Variants in PTK2B observed in about 807,000 individuals in gnomAD.
The protein encoded by PTK2B is protein-tyrosine kinase 2-beta.
In PTK2B, 71 loss-of-function variants were observed where a neutral mutation model predicts 142.9. That is an observed-to-expected ratio of 0.50 (90% CI 0.41 to 0.61). The LOEUF (loss-of-function observed/expected upper bound fraction) is 0.61. Among genes scored for constraint, PTK2B ranks in the 20% least tolerant of loss-of-function variants. PTK2B has a pLI of 0.00. For missense variants in PTK2B, 1,105 were observed against 1,320.4 expected, an observed-to-expected ratio of 0.84 and a Z score of 2.53; for synonymous variants, 519 against 503.4, an observed-to-expected ratio of 1.03 and a Z score of -0.42.
At chr8:27,368,108 G>A (rs899179899) in intron 1 of PTK2B, among the ~76,000 whole-genome samples, 4 of 152,260 alleles carry the variant, frequency 2.6e-5, no homozygotes, top group East Asian at 1.9e-4. Context: ...GTTAGCAGAC[G>A]CCAGATGGCC....
In PTK2B at chr8:27,404,546, G is replaced by C. The variant is rs571988088; in HGVS notation, c.204+6758G>C. Reference sequence around the variant, plus strand: ...CCTCCCACCCGCAGCAGGGACTCCAGGTTGCAGGGGTGGCCTTGGGCATTG... The same window carrying C: ...CCTCCCACCCGCAGCAGGGACTCCACGTTGCAGGGGTGGCCTTGGGCATTG... On this transcript the variant is annotated intron_variant, in intron 2 of 30. Coordinates refer to ENST00000346049, the MANE Select transcript of PTK2B (RefSeq NM_173176.3). Among the ~76,000 whole-genome samples the C allele has an allele frequency of 3.9e-5, 6 of 152,284 alleles. No homozygotes were observed. The South Asian group carries it at 1.2e-3, about 32-fold the overall frequency.
intron 1 of PTK2B, among the ~76,000 whole-genome samples, chr8:27,356,847 TC>T (rs1805420850): frequency 6.6e-6 from 1 of 152,192 alleles, no homozygotes; most frequent in African/African-American, 2.4e-5. Context: ...TGACATCACA[TC>T]CTTTAAGAGA....
intron 1 of PTK2B, chr8:27,396,077 C>G (rs1168203674): frequency 6.6e-6 from 1 of 152,196 alleles, no homozygotes; most frequent in Non-Finnish European, 1.5e-5. Flanking sequence ...CATTTTGCTG[C>G]CCTTGTGGAC....
At chr8:27,397,365 C>T (rs1454748129) in intron 1 of PTK2B, 183 bp from the exon 2 acceptor site, 5 of 574,792 alleles carry the variant, frequency 8.7e-6, no homozygotes, top group African/African-American at 1.9e-5. Flanking sequence ...CTGCAACTTG[C>T]CCCTTTCTGC....
At chr8:27,451,215 T>C in intron 26 of PTK2B, 137 bp downstream of exon 26, 1 of 1,120,404 alleles carries the variant, frequency 8.9e-7, no homozygotes, top group South Asian at 1.4e-5. Context: ...GTTGGGAGGG[T>C]GTCTTTTCCT....
intron 1 of PTK2B, among the ~76,000 whole-genome samples, chr8:27,336,578 G>A (rs1185554308): frequency 6.6e-6 from 1 of 152,204 alleles, no homozygotes; most frequent in Non-Finnish European, 1.5e-5. Flanking sequence ...AACTTTGTAG[G>A]ATAATGTTGA....
chr8:27,333,888 G>A (rs1803904134), intron 1 of PTK2B, among the ~76,000 whole-genome samples: 1 of 150,966 alleles, frequency 6.6e-6, no homozygotes, highest in Admixed American at 6.6e-5. Context: ...CTAAGAGTCT[G>A]TAAGATATTC....
At position 27,434,605 on chromosome 8, in the gene PTK2B, C is replaced by T. The variant is rs772994588; in HGVS notation, c.1192+46C>T. ...TCCACCTGCTCCAGTTGCCTCCCGT[C>T]TGCTTGCTCCCCACTGCTTGCTCTC... On this transcript the variant is annotated intron_variant, in intron 13 of 30. Coordinates refer to ENST00000346049, the MANE Select transcript of PTK2B (RefSeq NM_173176.3). 17 of 1,570,500 alleles carry T rather than the reference C, an allele frequency of 1.1e-5. No individual in the cohort carries two copies. The African/African-American group carries it at 2.3e-4, about 21-fold the overall frequency.
chr8:27,361,438 G>C (rs930077478), intron 1 of PTK2B, among the ~76,000 whole-genome samples: 1 of 152,074 alleles, frequency 6.6e-6, no homozygotes, highest in Non-Finnish European at 1.5e-5. Context: ...TGCTCCAGCT[G>C]TTCTTGAACT....
intron 1 of PTK2B, among the ~76,000 whole-genome samples, chr8:27,345,979 C>T (rs1263065766): frequency 6.6e-6 from 1 of 152,100 alleles, no homozygotes; most frequent in Non-Finnish European, 1.5e-5. Flanking sequence ...CAAAGGTGTC[C>T]AAACTCCTTG....
At chr8:27,420,305 C>T (rs889415283) in intron 3 of PTK2B, among the ~76,000 whole-genome samples, 15 of 151,956 alleles carry the variant, frequency 9.9e-5, no homozygotes, top group African/African-American at 3.1e-4. Flanking sequence ...TAACCCTAAA[C>T]GGGATGCTGA....
intron 1 of PTK2B, among the ~76,000 whole-genome samples, chr8:27,369,407 C>T (rs535912277): frequency 8.5e-5 from 13 of 152,314 alleles, no homozygotes; most frequent in Admixed American, 2.0e-4. Flanking sequence ...TGGTGACTCA[C>T]GCCTATAATT....
At chr8:27,431,511 G>C (rs1386107155) in intron 9 of PTK2B, 39 bp downstream of exon 9, 1 of 1,611,834 alleles carries the variant, frequency 6.2e-7, no homozygotes. Context: ...GCCCCAGGCG[G>C]GGAGGTCGTC....
chr8:27,401,859 A>G (rs1192027502), intron 2 of PTK2B, among the ~76,000 whole-genome samples: 1 of 152,140 alleles, frequency 6.6e-6, no homozygotes, highest in East Asian at 1.9e-4. Context: ...GCTTAAATTA[A>G]GATTATAGCC....
chr8:27,422,072 AG>A (rs1809789189), intron 4 of PTK2B, among the ~76,000 whole-genome samples: 1 of 152,160 alleles, frequency 6.6e-6, no homozygotes, highest in East Asian at 1.9e-4. Flanking sequence ...CTGCCTGTGG[AG>A]CAGGGAGAGA....
chr8:27,404,113 T>C (rs533043441), intron 2 of PTK2B, among the ~76,000 whole-genome samples: 2 of 152,240 alleles, frequency 1.3e-5, no homozygotes, highest in South Asian at 2.1e-4. Context: ...TATCATGATA[T>C]GGGTGACAAT....
At chr8:27,438,819 C>A (rs936593595) in intron 18 of PTK2B, among the ~76,000 whole-genome samples, 1 of 152,156 alleles carries the variant, frequency 6.6e-6, no homozygotes, top group African/African-American at 2.4e-5. Context: ...TGTTGGGGTG[C>A]AGAGGGGCCA....
At chr8:27,362,592 C>A (rs1805776139) in intron 1 of PTK2B, among the ~76,000 whole-genome samples, 1 of 150,716 alleles carries the variant, frequency 6.6e-6, no homozygotes, top group Admixed American at 6.6e-5. Flanking sequence ...CAACACCCCA[C>A]CCCCACCTTC....
At position 27,349,181 on chromosome 8, in the gene PTK2B, A is replaced by G. The variant is rs572259970; in HGVS notation, c.-38+23500A>G. Among the ~76,000 whole-genome samples, 431 of 152,308 alleles carry G rather than the reference A, an allele frequency of 2.8e-3. 5 individuals carry two copies. The South Asian group carries it at 0.029, about 10-fold the overall frequency. The stretch of plus-strand genomic sequence containing the variant: ...CAAGGTGTCATGTTGCACTGAGAAA[A>G]CAACAGAGAAGGCCAGAGAGTCTAG... On this transcript the variant is annotated intron_variant, in intron 1 of 30. Transcript: ENST00000346049.
Sources: allele counts gnomAD v4.1 joint callset (sites outside exome capture counted in the v4.1 genomes callset), GRCh38; gene constraint gnomAD v4.1.1; transcripts MANE v1.5; gene names NCBI Gene and HGNC (gene_info 2026-07-23, HGNC 2026-07-21).